GPC5: variants seen among roughly 807,000 people sequenced by gnomAD.
The protein encoded by GPC5 is glypican 5.
In GPC5, 47 loss-of-function variants were observed where a neutral mutation model predicts 53.9. That is an observed-to-expected ratio of 0.87 (90% CI 0.69 to 1.11). GPC5 has a LOEUF of 1.11. Ranked by LOEUF, GPC5 falls within the 50% of genes most tolerant of loss-of-function variation. The pLI is 0.00. For synonymous variants in GPC5, 286 were observed against 263.3 expected (o/e 1.09, Z -0.84); for missense variants, 748 against 713.1 (o/e 1.05, Z -0.56).
At chr13:92,846,366 T>C (rs1405826919) in intron 7 of GPC5, among the ~76,000 whole-genome samples, 1 of 152,156 alleles carries the variant, frequency 6.6e-6, no homozygotes, top group African/African-American at 2.4e-5. Flanking sequence ...CCAAACTATA[T>C]AATCATATTA....
Position 91,608,502 on chromosome 13 carries a change from T to C in GPC5, c.326-84685T>C, listed in dbSNP as rs535838882. On this transcript the variant is annotated intron_variant, in intron 2 of 7. Transcript: ENST00000377067. Reference sequence around the variant, plus strand: ...TCTTGCATATATTACATACATATTGTTGCAGGTAGAACCATAGTGTCCACT... The same window carrying C: ...TCTTGCATATATTACATACATATTGCTGCAGGTAGAACCATAGTGTCCACT... 1.4e-4 allele frequency among the ~76,000 whole-genome samples: 21 copies of C among 152,308 alleles called. No homozygotes were observed. The East Asian group carries it at 4.1e-3, about 29-fold the overall frequency.
chr13:92,154,835 T>C (rs2041932271), intron 7 of GPC5, among the ~76,000 whole-genome samples: 1 of 152,250 alleles, frequency 6.6e-6, no homozygotes, highest in Non-Finnish European at 1.5e-5. Flanking sequence ...ATGATGGCTC[T>C]TAGAAGCATA....
chr13:92,199,120 C>T (rs1306006041), intron 7 of GPC5, among the ~76,000 whole-genome samples: 2 of 152,198 alleles, frequency 1.3e-5, no homozygotes, highest in African/African-American at 2.4e-5. Context: ...AAAGCTAGGG[C>T]ATGAGGCCCA....
intron 7 of GPC5, among the ~76,000 whole-genome samples, chr13:92,863,387 G>C (rs1465272441): frequency 6.6e-6 from 1 of 152,182 alleles, no homozygotes; most frequent in Non-Finnish European, 1.5e-5. Flanking sequence ...CATTTGTGAA[G>C]TACTTGGAAC....
chr13:91,595,138 C>G (rs900358452), intron 2 of GPC5, among the ~76,000 whole-genome samples: 1 of 151,946 alleles, frequency 6.6e-6, no homozygotes, highest in Non-Finnish European at 1.5e-5. Context: ...ATTCTTCCCC[C>G]TCCCGAGTAG....
rs190506961 is a variant in GPC5 at position 91,467,418 on chromosome 13, C to T, written c.325+18496C>T. Among the ~76,000 whole-genome samples the T allele has an allele frequency of 2.3e-3, 354 of 152,230 alleles. 2 individuals are homozygous for T. Among genetic ancestry groups the T allele is most frequent in the Admixed American group, 4.0e-3 (61 of 15,272 alleles). On this transcript the variant is annotated intron_variant, in intron 2 of 7. Coordinates refer to ENST00000377067, the MANE Select transcript of GPC5 (RefSeq NM_004466.6). ...TAGCTTGGAGACATGCAATTCCTTG[C>T]GATTAATTTAATTTCCTGAGAATCT...
rs778487315 is a variant in GPC5, at chr13:92,769,629, G to A, written c.1562-96653G>A. ...TAAAGCAGTGTGACCTGATTACCATGCAATGAATGATAAACACAACATAAG... is the reference window on the plus strand; with the variant it reads ...TAAAGCAGTGTGACCTGATTACCATACAATGAATGATAAACACAACATAAG... On this transcript the variant is annotated intron_variant, in intron 7 of 7. Coordinates refer to ENST00000377067, the MANE Select transcript of GPC5 (RefSeq NM_004466.6). 1.2e-4 allele frequency among the ~76,000 whole-genome samples: 19 copies of A among 152,254 alleles called. 1 individual carries two copies. In the South Asian group the frequency reaches 2.3e-3, roughly 18 times the overall value.
At chr13:92,296,499 G>T (rs2043035455) in intron 7 of GPC5, among the ~76,000 whole-genome samples, 1 of 152,142 alleles carries the variant, frequency 6.6e-6, no homozygotes, top group South Asian at 2.1e-4. Context: ...GTAACAGCAT[G>T]CTGGCAGCCC....
At chr13:92,307,627 C>A (rs76193800) in intron 7 of GPC5, among the ~76,000 whole-genome samples, 3,583 of 152,272 alleles carry the variant, frequency 0.024, 146 homozygotes, top group African/African-American at 0.08. Flanking sequence ...ATTTCCTCCC[C>A]CTAGGGCTCA....
intron 6 of GPC5, among the ~76,000 whole-genome samples, chr13:92,059,142 G>T (rs182310755): frequency 3.7e-4 from 57 of 152,088 alleles, no homozygotes; most frequent in African/African-American, 9.4e-4. Context: ...AATCACAGAG[G>T]GGTTATTTAT....
At chr13:92,356,384 T>C (rs183794907) in intron 7 of GPC5, among the ~76,000 whole-genome samples, 1 of 152,306 alleles carries the variant, frequency 6.6e-6, no homozygotes, top group Non-Finnish European at 1.5e-5. Context: ...TATTGTTGGC[T>C]TTTATGCAGT....
At chr13:92,350,125 C>G (rs2043463387) in intron 7 of GPC5, among the ~76,000 whole-genome samples, 1 of 152,060 alleles carries the variant, frequency 6.6e-6, no homozygotes, top group African/African-American at 2.4e-5. Context: ...GAATGAAAGA[C>G]AAAAACCATA....
At chr13:91,872,187 A>G (rs948349743) in intron 5 of GPC5, among the ~76,000 whole-genome samples, 3 of 152,150 alleles carry the variant, frequency 2.0e-5, no homozygotes, top group Non-Finnish European at 2.9e-5. Flanking sequence ...TAATACCTCA[A>G]TTGTGGTTCC....
At chr13:92,320,119 G>A (rs1192221428) in intron 7 of GPC5, among the ~76,000 whole-genome samples, 3 of 152,040 alleles carry the variant, frequency 2.0e-5, no homozygotes, top group Non-Finnish European at 4.4e-5. Context: ...AATGAATGCA[G>A]GATATTGCTT....
intron 2 of GPC5, among the ~76,000 whole-genome samples, chr13:91,572,219 A>ACACATATG (rs2031941810): frequency 6.9e-6 from 1 of 145,810 alleles, no homozygotes; most frequent in African/African-American, 2.6e-5. Context: ...ACGTGTATAT[A>ACACATATG]TATACACATA....
chr13:91,624,722 C>A (rs749855633), intron 2 of GPC5, among the ~76,000 whole-genome samples: 6 of 151,882 alleles, frequency 4.0e-5, no homozygotes, highest in African/African-American at 1.4e-4. Context: ...AATGAGGAGA[C>A]CTAACCTCCT....
At chr13:91,492,333 A>G (rs1434859476) in intron 2 of GPC5, among the ~76,000 whole-genome samples, 1 of 152,180 alleles carries the variant, frequency 6.6e-6, no homozygotes, top group Non-Finnish European at 1.5e-5. Flanking sequence ...TTACACAGTT[A>G]TGGAGACCGA....
intron 5 of GPC5, among the ~76,000 whole-genome samples, chr13:91,868,621 C>T (rs761538809): frequency 1.3e-5 from 2 of 152,110 alleles, no homozygotes; most frequent in Non-Finnish European, 2.9e-5. Flanking sequence ...GGGAGGATCT[C>T]CTGAGCCTGG....
intron 7 of GPC5, among the ~76,000 whole-genome samples, chr13:92,268,373 GA>G (rs34703832): frequency 6.6e-6 from 1 of 151,036 alleles, no homozygotes; most frequent in Non-Finnish European, 1.5e-5. Flanking sequence ...TTTTCTCATG[GA>G]AAAATGATAT....
Sources: gnomAD v4.1 joint callset for allele counts (sites outside exome capture counted in the v4.1 genomes callset) on GRCh38, gnomAD v4.1.1 for gene constraint, MANE v1.5 for transcripts, NCBI Gene and HGNC (gene_info 2026-07-23, HGNC 2026-07-21) for gene names.